The following EFS variants were observed in gnomAD, a reference collection of about 807,000 sequenced individuals.
EFS encodes the protein embryonal Fyn-associated substrate, also known as Cas scaffolding protein family member 3.
In EFS, 34 loss-of-function variants were observed where a neutral mutation model predicts 42.2. The ratio of observed to expected loss-of-function variants is 0.81; its 90% CI spans 0.61 to 1.07. The LOEUF is 1.07. EFS is among the 50% of genes least tolerant of loss of function. EFS has a pLI of 0.00. For synonymous variants in EFS, 299 were observed against 320.7 expected, an observed-to-expected ratio of 0.93 and a Z score of 0.72; for missense variants, 717 against 729.4, an observed-to-expected ratio of 0.98 and a Z score of 0.20.
chr14:23,365,103 G>A lies in EFS; in HGVS notation c.-78C>T. On this transcript the variant is annotated 5_prime_UTR_variant, in exon 1 of 6. Coordinates refer to ENST00000216733, the MANE Select transcript of EFS (RefSeq NM_005864.4). The surrounding 1 kb of genome is among the most constrained non-coding windows in gnomAD (Gnocchi z 5.3). ...TCAGCGGTGGCTGCCCCGCACCATGGTCCGCGGCCTCTAGCCCCCAGCTGT... is the reference window on the plus strand; with the variant it reads ...TCAGCGGTGGCTGCCCCGCACCATGATCCGCGGCCTCTAGCCCCCAGCTGT... The A allele has an allele frequency of 8.1e-7, 1 of 1,233,584 alleles. No homozygotes were observed. The highest frequency in any genetic ancestry group is 1.0e-6 in the Non-Finnish European group (1 of 971,198). The allele number at this position is 1,233,584 out of a possible 1,614,324, so 76.4% of individuals were successfully genotyped here. A position where few individuals can be genotyped will look rare whatever the true frequency, so the allele number is the denominator to read the frequency against.
intron 1 of EFS, among the ~76,000 whole-genome samples, chr14:23,364,161 G>A (rs1890244577): frequency 6.6e-6 from 1 of 152,172 alleles, no homozygotes; most frequent in South Asian, 2.1e-4. Flanking sequence ...GATTCAGACT[G>A]CATAGACTGT....
At position 23,358,913 on chromosome 14, in the gene EFS, T is replaced by A. The variant is rs765146358; in HGVS notation, c.1214A>T (p.Asp405Val). 4 of 1,613,092 alleles carry A rather than the reference T, an allele frequency of 2.5e-6. No individual in the cohort carries two copies. The highest frequency in any genetic ancestry group is 3.4e-6 in the Non-Finnish European group (4 of 1,179,602). The change falls in exon 5 of 6, where the codon GAT becomes GTT. Residue 405 changes from aspartate (D) to valine (V), a missense_variant. Asp to Val is a radical substitution (Grantham distance 152). Transcript: ENST00000216733. ...CATCCCCCTCTCGGGCAGTTCAGGA[T>A]CCCCTGTGCAGGCCTGATCCGGGGG... ...SRPPDQACTGDPELPERGMPA... is the reference protein window; with the variant it reads ...SRPPDQACTGVPELPERGMPA...
At chr14:23,363,756 G>C (rs1415885593) in intron 1 of EFS, among the ~76,000 whole-genome samples, 3 of 152,042 alleles carry the variant, frequency 2.0e-5, no homozygotes, top group African/African-American at 7.3e-5. Flanking sequence ...TGGGCAACAT[G>C]GCGAAACCCT....
intron 1 of EFS, among the ~76,000 whole-genome samples, chr14:23,363,784 A>G (rs1890231237): frequency 2.0e-5 from 3 of 152,114 alleles, no homozygotes; most frequent in Admixed American, 2.0e-4. Flanking sequence ...CAAAAAATAC[A>G]AAAAGCTGAT....
At position 23,357,273 on chromosome 14, in the gene EFS, C is replaced by A; in HGVS notation, c.1639G>T (p.Gly547Trp). Residue 547 changes from glycine (G) to tryptophan (W), a missense_variant, in exon 6 of 6, where the codon GGG becomes TGG. Coordinates refer to ENST00000216733, the MANE Select transcript of EFS (RefSeq NM_005864.4). ...AGGGTAGTGAATTGCAGGGCCTGCC[C>A]TGCCAGTTCTGTTACACACTGCACC... ...EMVQCVTELA[G>W]QALQFTTLLT... is the part of the protein sequence containing the mutation. 1 of 1,585,086 alleles carries A rather than the reference C, an allele frequency of 6.3e-7. No homozygotes were observed. Among genetic ancestry groups the A allele is most frequent in the South Asian group, 1.1e-5 (1 of 88,196 alleles).
intron 5 of EFS, among the ~76,000 whole-genome samples, chr14:23,358,470 A>G (rs1890001154): frequency 6.6e-6 from 1 of 152,152 alleles, no homozygotes; most frequent in Admixed American, 6.5e-5. Flanking sequence ...TGAGGCCTGG[A>G]GAGATTAACT....
intron 1 of EFS, among the ~76,000 whole-genome samples, chr14:23,362,185 A>G (rs557144695): frequency 6.6e-6 from 1 of 152,300 alleles, no homozygotes; most frequent in South Asian, 2.1e-4. Flanking sequence ...ACCACTCAAA[A>G]CATACAATTA....
intron 1 of EFS, among the ~76,000 whole-genome samples, chr14:23,361,239 G>A (rs1165676262): frequency 6.6e-6 from 1 of 152,164 alleles, no homozygotes; most frequent in Non-Finnish European, 1.5e-5. Flanking sequence ...ACCTGGAATT[G>A]GTCATTACAC....
In EFS at chr14:23,358,921, G is replaced by A. The variant is rs1400734388; in HGVS notation, c.1206C>T (p.Cys402=). Residue 402 remains cysteine, a synonymous_variant, in exon 5 of 6, where the codon TGC becomes TGT. Coordinates refer to ENST00000216733, the MANE Select transcript of EFS (RefSeq NM_005864.4). Reference sequence around the variant, plus strand: ...TCTCGGGCAGTTCAGGATCCCCTGTGCAGGCCTGATCCGGGGGCCTAGATC... The same window carrying A: ...TCTCGGGCAGTTCAGGATCCCCTGTACAGGCCTGATCCGGGGGCCTAGATC... ...AQGSRPPDQA[C]TGDPELPERG... is the part of the protein sequence containing the mutation. 2 of 1,613,282 alleles carry A rather than the reference G, an allele frequency of 1.2e-6. No homozygotes were observed. Among genetic ancestry groups the A allele is most frequent in the East Asian group, 4.5e-5 (2 of 44,840 alleles).
At chr14:23,359,189 G>C (rs915247847) in intron 4 of EFS, 128 bp downstream of exon 4, 6 of 1,440,838 alleles carry the variant, frequency 4.2e-6, no homozygotes, top group Middle Eastern at 2.5e-4. Flanking sequence ...GGGGTCCCAG[G>C]CTGCAGGGTA....
At chr14:23,361,170 T>C (rs1753689603) in intron 1 of EFS, among the ~76,000 whole-genome samples, 1 of 152,236 alleles carries the variant, frequency 6.6e-6, no homozygotes, top group African/African-American at 2.4e-5. Flanking sequence ...TCTTCCCTTA[T>C]ACTGTAAACC....
chr14:23,359,100 C>T, intron 4 of EFS, 135 bp from the exon 5 acceptor site: 1 of 1,108,782 alleles, frequency 9.0e-7, no homozygotes, highest in Non-Finnish European at 1.3e-6. Flanking sequence ...AGTCCCTTGA[C>T]TCCAGAGAGC....
chr14:23,360,325 C>G, intron 2 of EFS, 44 bp from the exon 3 acceptor site: 2 of 1,575,530 alleles, frequency 1.3e-6, no homozygotes, highest in South Asian at 1.2e-5. Flanking sequence ...ACGGAGGGGC[C>G]GGTGATCAGA....
rs1472283571 is a variant in EFS, at chr14:23,358,567, G to A, written c.1251+309C>T. Reference sequence around the variant, plus strand: ...GGAGCCCAGGAATTCACAGTTGGAAGGAGGCTCAGAAGTCCCCAGGCCCAG... The same window carrying A: ...GGAGCCCAGGAATTCACAGTTGGAAAGAGGCTCAGAAGTCCCCAGGCCCAG... On this transcript the variant is annotated intron_variant, in intron 5 of 5. Coordinates refer to ENST00000216733, the MANE Select transcript of EFS (RefSeq NM_005864.4). Among the ~76,000 whole-genome samples, 5 of 152,178 alleles carry A rather than the reference G, an allele frequency of 3.3e-5. No individual in the cohort carries two copies. The East Asian group carries it at 9.6e-4, about 29-fold the overall frequency.
Position 23,357,202 on chromosome 14 carries a change from G to T in EFS, c.*24C>A. 6.6e-7 allele frequency: 1 copy of T among 1,517,410 alleles called. No individual in the cohort carries two copies. The highest frequency in any genetic ancestry group is 1.3e-5 in the South Asian group (1 of 75,788). The allele number at this position is 1,517,410 out of a possible 1,614,324, so 94.0% of individuals were successfully genotyped here. A position where few individuals can be genotyped will look rare whatever the true frequency, so the allele number is the denominator to read the frequency against. ...AGGGGGGCTTTGGCAGGCAGGGGAG[G>T]AGCAGAGCTGTGCCAAAGGACCTTC... is the stretch of plus-strand genomic sequence containing the variant. On this transcript the variant is annotated 3_prime_UTR_variant, in exon 6 of 6. Coordinates refer to ENST00000216733, the MANE Select transcript of EFS (RefSeq NM_005864.4).
At position 23,360,257 on chromosome 14, in the gene EFS, G is replaced by A. The variant is rs757804957; in HGVS notation, c.322C>T (p.Arg108Trp). ...QEVYVVPPPARPCPTSGPPAG... is the reference protein window; with the variant it reads ...QEVYVVPPPAWPCPTSGPPAG... ...GGAGGTCCTGAGGTTGGACAGGGCCGAGCTGGGGGCGGCACCACATACACC... is the reference window on the plus strand; with the variant it reads ...GGAGGTCCTGAGGTTGGACAGGGCCAAGCTGGGGGCGGCACCACATACACC... The change falls in exon 3 of 6, where the codon CGG becomes TGG. Residue 108 changes from arginine to tryptophan, a missense_variant. Coordinates refer to ENST00000216733, the MANE Select transcript of EFS (RefSeq NM_005864.4). 9.3e-6 allele frequency: 15 copies of A among 1,613,424 alleles called. No individual in the cohort carries two copies. The highest frequency in any genetic ancestry group is 6.6e-5 in the South Asian group (6 of 91,016).
In EFS at chr14:23,359,471, G is replaced by T; in HGVS notation, c.1007C>A (p.Pro336His). Reference protein sequence around the residue: ...PGRKGSIQDRPLPPPPPRLPG... With the variant: ...PGRKGSIQDRHLPPPPPRLPG... ...CAGGCGGGGTGGGGGTGGGGGCAGA[G>T]GCCGGTCCTGGATGCTGCCCTTCCG... The change falls in exon 4 of 6, where the codon CCT becomes CAT. Residue 336 changes from proline to histidine, a missense_variant. Pro to His is a moderately conservative substitution (Grantham distance 77, BLOSUM62 -2). Transcript: ENST00000216733. 1 of 1,598,034 alleles carries T rather than the reference G, an allele frequency of 6.3e-7. No individual in the cohort carries two copies. Among genetic ancestry groups the T allele is most frequent in the Non-Finnish European group, 8.5e-7 (1 of 1,173,692 alleles).
Position 23,356,968 on chromosome 14 carries a change from C to T in EFS, c.*258G>A. Reference sequence around the variant, plus strand: ...GAGAGAAGGATCTAGTTCCTCACTGCCCCAGAGCCTAGTACCTGCTCCTGA... The same window carrying T: ...GAGAGAAGGATCTAGTTCCTCACTGTCCCAGAGCCTAGTACCTGCTCCTGA... On this transcript the variant is annotated 3_prime_UTR_variant, in exon 6 of 6. Transcript: ENST00000216733. 3.3e-6 allele frequency: 1 copy of T among 303,908 alleles called. No homozygotes were observed. The highest frequency in any genetic ancestry group is 6.0e-6 in the Non-Finnish European group (1 of 167,374). The allele number at this position is 303,908 out of a possible 1,614,324, so 18.8% of individuals were successfully genotyped here.
chr14:23,357,182 G>A lies in EFS; in HGVS notation c.*44C>T. The A allele has an allele frequency of 1.4e-6, 2 of 1,475,934 alleles. No individual in the cohort carries two copies. Among genetic ancestry groups the A allele is most frequent in the Non-Finnish European group, 1.8e-6 (2 of 1,105,422 alleles). 91.4% of individuals were successfully genotyped at this position (1,475,934 alleles called of 1,614,324 possible). On this transcript the variant is annotated 3_prime_UTR_variant, in exon 6 of 6. Coordinates refer to ENST00000216733, the MANE Select transcript of EFS (RefSeq NM_005864.4). ...TCCAGCCACCCAAGGCCTAAAGGGG[G>A]GCTTTGGCAGGCAGGGGAGGAGCAG...
Sources: gnomAD v4.1 joint callset for allele counts (sites outside exome capture counted in the v4.1 genomes callset) on GRCh38, gnomAD v4.1.1 for gene constraint, Gnocchi (gnomAD v3.1) non-coding constraint, MANE v1.5 for transcripts, NCBI Gene and HGNC (gene_info 2026-07-23, HGNC 2026-07-21) for gene names.